The following RIMS2 variants were observed in gnomAD, a reference collection of about 807,000 sequenced individuals.
RIMS2 encodes the protein regulating synaptic membrane exocytosis protein 2.
A neutral mutation model predicts 174.4 loss-of-function variants in RIMS2; 59 were observed. That is an observed-to-expected ratio of 0.34 (90% CI 0.27 to 0.42). The LOEUF (loss-of-function observed/expected upper bound fraction) is 0.42, where lower values mean the gene tolerates loss of function less well. RIMS2 is among the 10% of genes least tolerant of loss of function. RIMS2 has a pLI of 1.00. For missense variants in RIMS2, 1,620 were observed against 1,666.3 expected (o/e 0.97, Z 0.48); for synonymous variants, 606 against 572.5 (o/e 1.06, Z -0.84).
chr8:103,738,266 T>C (rs1268465577), intron 2 of RIMS2, among the ~76,000 whole-genome samples: 1 of 152,192 alleles, frequency 6.6e-6, no homozygotes, highest in Non-Finnish European at 1.5e-5. Context: ...ACACTCCAAA[T>C]TGAAGTGGAA....
intron 1 of RIMS2, among the ~76,000 whole-genome samples, chr8:103,638,234 T>C (rs1426288256): frequency 6.6e-6 from 1 of 152,126 alleles, no homozygotes; most frequent in Non-Finnish European, 1.5e-5. Flanking sequence ...TATAAAATAA[T>C]TTTTAGACAT....
intron 15 of RIMS2, among the ~76,000 whole-genome samples, chr8:103,967,122 G>C (rs1346817543): frequency 7.5e-6 from 1 of 134,226 alleles, no homozygotes; most frequent in African/African-American, 2.8e-5. Context: ...TGGTGTTTTT[G>C]AGTTCACTTA....
At chr8:103,566,150 A>G (rs28387689) in intron 1 of RIMS2, among the ~76,000 whole-genome samples, 1,761 of 152,274 alleles carry the variant, frequency 0.012, 30 homozygotes, top group African/African-American at 0.039. Context: ...GTACAATTTG[A>G]GTCAAATCCA....
chr8:104,007,818 C>T (rs1313390500), intron 17 of RIMS2, among the ~76,000 whole-genome samples: 1 of 151,996 alleles, frequency 6.6e-6, no homozygotes, highest in African/African-American at 2.4e-5. Context: ...AAATTTTGTT[C>T]TGTTAGTTGG....
chr8:103,587,659 A>T (rs570453066), intron 1 of RIMS2, among the ~76,000 whole-genome samples: 1 of 152,194 alleles, frequency 6.6e-6, no homozygotes, highest in East Asian at 1.9e-4. Flanking sequence ...AAGGATAAAA[A>T]CCATATGATC....
intron 2 of RIMS2, among the ~76,000 whole-genome samples, chr8:103,759,807 C>A (rs952211447): frequency 6.6e-6 from 1 of 151,952 alleles, no homozygotes; most frequent in Non-Finnish European, 1.5e-5. Context: ...CTGGTGGGAA[C>A]CGAAGTGAGA....
intron 19 of RIMS2, among the ~76,000 whole-genome samples, chr8:104,041,566 A>G (rs1301188727): frequency 6.6e-6 from 1 of 151,636 alleles, no homozygotes; most frequent in Non-Finnish European, 1.5e-5. Flanking sequence ...AAAATAATTA[A>G]TTTTTATGTA....
At chr8:103,910,129 C>CA in intron 4 of RIMS2, 192 bp from the exon 8 acceptor site, 1 of 1,597,208 alleles carries the variant, frequency 6.3e-7, no homozygotes, top group Non-Finnish European at 8.6e-7. Context: ...GTCTGACTCT[C>CA]ACAGGAGACA....
chr8:104,054,533 G>A (rs1482826279), intron 19 of RIMS2, among the ~76,000 whole-genome samples: 3 of 151,988 alleles, frequency 2.0e-5, no homozygotes, highest in African/African-American at 7.2e-5. Flanking sequence ...ATAAAATGTA[G>A]CAAAAGTTAA....
At chr8:103,794,582 T>TG (rs1231041606) in intron 3 of RIMS2, among the ~76,000 whole-genome samples, 1 of 152,118 alleles carries the variant, frequency 6.6e-6, no homozygotes, top group African/African-American at 2.4e-5. Context: ...AATAGACTAA[T>TG]GGGATCTAAT....
At chr8:103,665,043 G>A (rs56341650) in intron 1 of RIMS2, among the ~76,000 whole-genome samples, 41,073 of 152,056 alleles carry the variant, frequency 0.27, 6,357 homozygotes, top group East Asian at 0.61. Flanking sequence ...ACCAAACATC[G>A]CATGTTTTCA....
intron 1 of RIMS2, among the ~76,000 whole-genome samples, chr8:103,534,122 A>C (rs921238865): frequency 1.3e-5 from 2 of 152,230 alleles, no homozygotes; most frequent in Non-Finnish European, 2.9e-5. Flanking sequence ...TTCTGTGTTC[A>C]ACTTAGAAGC....
At chr8:103,524,580 T>C (rs1384277371) in intron 1 of RIMS2, among the ~76,000 whole-genome samples, 1 of 151,816 alleles carries the variant, frequency 6.6e-6, no homozygotes, top group East Asian at 1.9e-4. Context: ...AAAAGGAAAA[T>C]GGTGTTAAAC....
At chr8:103,574,120 G>A (rs2093035597) in intron 1 of RIMS2, among the ~76,000 whole-genome samples, 1 of 149,946 alleles carries the variant, frequency 6.7e-6, no homozygotes, top group Non-Finnish European at 1.5e-5. Context: ...GCCAGTGTAT[G>A]TATGCTTCAT....
At chr8:103,952,903 T>G (rs1335254782) in intron 14 of RIMS2, among the ~76,000 whole-genome samples, 3 of 152,114 alleles carry the variant, frequency 2.0e-5, no homozygotes, top group African/African-American at 7.2e-5. Context: ...AATAACCAGT[T>G]TAGAGAAGAA....
intron 2 of RIMS2, among the ~76,000 whole-genome samples, chr8:103,739,995 A>G (rs1296571423): frequency 2.0e-5 from 3 of 152,300 alleles, no homozygotes; most frequent in East Asian, 1.9e-4. Context: ...ATTAAGATGC[A>G]TATTTATAAA....
chr8:104,243,106 C>T (rs1035021044), intron 19 of RIMS2, among the ~76,000 whole-genome samples: 6 of 152,110 alleles, frequency 3.9e-5, no homozygotes, highest in Non-Finnish European at 7.4e-5. Context: ...AGATCTTTCC[C>T]TTATTAGTAG....
intron 1 of RIMS2, among the ~76,000 whole-genome samples, chr8:103,572,525 T>C (rs927203147): frequency 1.3e-5 from 2 of 152,146 alleles, no homozygotes; most frequent in African/African-American, 4.8e-5. Context: ...CAACAGTATG[T>C]AAGCATTCCT....
intron 16 of RIMS2, among the ~76,000 whole-genome samples, chr8:103,979,138 A>G (rs2093686591): frequency 6.6e-6 from 1 of 152,216 alleles, no homozygotes; most frequent in South Asian, 2.1e-4. Flanking sequence ...AATAATTGAG[A>G]TATTAGGAAA....
Sources: gnomAD v4.1 joint callset for allele counts (sites outside exome capture counted in the v4.1 genomes callset) on GRCh38, gnomAD v4.1.1 for gene constraint, MANE v1.5 for transcripts, NCBI Gene and HGNC (gene_info 2026-07-23, HGNC 2026-07-21) for gene names.